TRIP12: variants seen among roughly 807,000 people sequenced by gnomAD.
The protein encoded by TRIP12 is thyroid hormone receptor interactor 12, also known as E3 ubiquitin-protein ligase TRIP12.
Under a neutral mutation model 244.2 loss-of-function variants are expected in TRIP12, and 25 were observed. That is an observed-to-expected ratio of 0.10 (90% CI 0.07 to 0.14). The LOEUF is 0.14. Among genes scored for constraint, TRIP12 ranks in the 10% least tolerant of loss-of-function variants. The probability of loss-of-function intolerance (pLI) is 1.00; values close to 1 mark genes in which losing one functional copy is unlikely to be tolerated. For missense variants in TRIP12, 1,677 were observed against 2,486.4 expected (o/e 0.67, Z 6.92); for synonymous variants, 905 against 873.1 (o/e 1.04, Z -0.64).
rs533557410 is a variant in TRIP12 at position 229,819,565 on chromosome 2, A to T, written c.1451-1053T>A. 2.0e-5 allele frequency among the ~76,000 whole-genome samples: 3 copies of T among 152,304 alleles called. No homozygotes were observed. In the South Asian group the frequency reaches 6.2e-4, roughly 32 times the overall value. On this transcript the variant is annotated intron_variant, in intron 8 of 41. Coordinates refer to ENST00000675903, the MANE Select transcript of TRIP12 (RefSeq NM_001348323.3). ...ATCTCAAAATTAATTAATTAATTTT[A>T]AAAAATAAAGTCTATGAATGTGTTT...
intron 1 of TRIP12, among the ~76,000 whole-genome samples, chr2:229,908,805 T>C (rs1460683134): frequency 6.6e-6 from 1 of 151,428 alleles, no homozygotes; most frequent in Non-Finnish European, 1.5e-5. Context: ...TTTGGGAGGC[T>C]ATGCGGCCAG....
rs796545176 is a variant in TRIP12 at position 229,784,513 on chromosome 2, G to GA, written c.5094+1243dup. 7.3e-3 allele frequency among the ~76,000 whole-genome samples: 421 copies of GA among 57,794 alleles called. 2 individuals are homozygous for GA. Among genetic ancestry groups the GA allele is most frequent in the African/African-American group, 0.013 (185 of 13,896 alleles). The allele number at this position is 57,794 out of a possible 152,430, so 37.9% of individuals were successfully genotyped here. A position where few individuals can be genotyped will look rare whatever the true frequency, so the allele number is the denominator to read the frequency against. On this transcript the variant is annotated intron_variant, in intron 34 of 41. Coordinates refer to ENST00000675903, the MANE Select transcript of TRIP12 (RefSeq NM_001348323.3). ...CTTAGGATGCAAAAAGCACAAACAA[G>GA]AAAAAAAAAAAAAAGATAAATGGAT... is the stretch of plus-strand genomic sequence containing the variant.
At position 229,889,025 on chromosome 2, in the gene TRIP12, G is replaced by A. The variant is rs368556719; in HGVS notation, c.-49-8897C>T. 1.1e-4 allele frequency among the ~76,000 whole-genome samples: 17 copies of A among 152,232 alleles called. No homozygotes were observed. In the East Asian group the frequency reaches 1.4e-3, roughly 12 times the overall value. ...TGTCGTTTTTAAAAAAATAAATTTTGAGCATATGTATTTAGGTAAAGAAAA... is the reference window on the plus strand; with the variant it reads ...TGTCGTTTTTAAAAAAATAAATTTTAAGCATATGTATTTAGGTAAAGAAAA... On this transcript the variant is annotated intron_variant, in intron 1 of 41. Transcript: ENST00000675903.
At chr2:229,902,653 G>T (rs191109625) in intron 1 of TRIP12, among the ~76,000 whole-genome samples, 138 of 152,166 alleles carry the variant, frequency 9.1e-4, no homozygotes, top group African/African-American at 3.2e-3. Context: ...TGAGATCTTT[G>T]GTTTTTTTGA....
At chr2:229,833,485 C>CA (rs1559726274) in intron 6 of TRIP12, among the ~76,000 whole-genome samples, 1 of 152,082 alleles carries the variant, frequency 6.6e-6, no homozygotes, top group Non-Finnish European at 1.5e-5. Context: ...GACAGGGTTT[C>CA]ACCATGTTGC....
At chr2:229,836,824 T>C in intron 6 of TRIP12, 24 bp downstream of exon 6, 1 of 1,577,248 alleles carries the variant, frequency 6.3e-7, no homozygotes, top group Non-Finnish European at 8.6e-7. Context: ...AAACGCATTT[T>C]AAAGCTAAGA....
At chr2:229,800,103 C>T (rs143437275) in intron 21 of TRIP12, among the ~76,000 whole-genome samples, 3 of 152,110 alleles carry the variant, frequency 2.0e-5, no homozygotes, top group African/African-American at 4.8e-5. Flanking sequence ...CCAAAATGGC[C>T]GTGAGTAAAA....
intron 13 of TRIP12, among the ~76,000 whole-genome samples, chr2:229,812,580 TG>T (rs1559574587): frequency 6.6e-6 from 1 of 151,970 alleles, no homozygotes; most frequent in African/African-American, 2.4e-5. Flanking sequence ...CTGAGACAGG[TG>T]GATCACTTGA....
intron 17 of TRIP12, chr2:229,806,126 C>T: frequency 3.1e-6 from 1 of 325,902 alleles, no homozygotes; most frequent in African/African-American, 2.1e-5. Flanking sequence ...GACATAAATG[C>T]AGGTAAAATC....
intron 33 of TRIP12, among the ~76,000 whole-genome samples, chr2:229,787,026 G>A (rs2154254847): frequency 6.6e-6 from 1 of 152,324 alleles, no homozygotes; most frequent in East Asian, 1.9e-4. Flanking sequence ...CACAGATTAA[G>A]TTAGCAATAC....
intron 2 of TRIP12, among the ~76,000 whole-genome samples, chr2:229,872,124 A>AAC (rs1185052638): frequency 7.6e-5 from 11 of 144,908 alleles, no homozygotes; most frequent in Non-Finnish European, 1.5e-4. Flanking sequence ...AAAAAAAAAA[A>AAC]AAAAAAAAGA....
intron 1 of TRIP12, among the ~76,000 whole-genome samples, chr2:229,907,101 T>C (rs1358820290): frequency 6.6e-6 from 1 of 152,234 alleles, no homozygotes; most frequent in East Asian, 1.9e-4. Context: ...AAACCTAAAT[T>C]ATAACATCTT....
intron 34 of TRIP12, 80 bp downstream of exon 34, chr2:229,785,677 C>T (rs541730409): frequency 3.8e-6 from 5 of 1,315,708 alleles, no homozygotes; most frequent in Non-Finnish European, 5.3e-6. Flanking sequence ...TTCAGAATTT[C>T]ATAGTACCAA....
chr2:229,799,476 G>T, intron 21 of TRIP12, 93 bp from the exon 22 acceptor site: 1 of 1,189,854 alleles, frequency 8.4e-7, no homozygotes, highest in Non-Finnish European at 1.2e-6. Context: ...CAGAAACAGG[G>T]AGTAATAAAA....
chr2:229,812,312 C>T (rs2047455427), intron 13 of TRIP12, among the ~76,000 whole-genome samples: 1 of 152,128 alleles, frequency 6.6e-6, no homozygotes. Flanking sequence ...AACTCTTGAC[C>T]TCAGGTGATC....
rs1201652780 is a variant in TRIP12 at position 229,811,065 on chromosome 2, A to C, written c.2056-20T>G. The C allele has an allele frequency of 5.0e-6, 8 of 1,613,684 alleles. No homozygotes were observed. Among genetic ancestry groups the C allele is most frequent in the Non-Finnish European group, 6.8e-6 (8 of 1,179,890 alleles). Reference sequence around the variant, plus strand: ...TAAATTCTTCACAAACACAAGAATAAAGGAATTATTACATCAAGATTCAGC... The same window carrying C: ...TAAATTCTTCACAAACACAAGAATACAGGAATTATTACATCAAGATTCAGC... On this transcript the variant is annotated intron_variant, in intron 14 of 41. Coordinates refer to ENST00000675903, the MANE Select transcript of TRIP12 (RefSeq NM_001348323.3).
intron 23 of TRIP12, 104 bp downstream of exon 23, chr2:229,798,771 C>CTG: frequency 8.2e-7 from 1 of 1,214,472 alleles, no homozygotes; most frequent in Non-Finnish European, 1.2e-6. Flanking sequence ...AATTAAAGTG[C>CTG]TGTGTCTATG....
At chr2:229,836,776 A>C (rs1575717418) in intron 6 of TRIP12, 72 bp downstream of exon 6, 532 of 1,317,474 alleles carry the variant, frequency 4.0e-4, no homozygotes, top group Non-Finnish European at 5.1e-4. Flanking sequence ...CACCTAGCAT[A>C]CTTCCCTCCC....
chr2:229,904,536 T>C (rs930838402), intron 1 of TRIP12, among the ~76,000 whole-genome samples: 2 of 151,826 alleles, frequency 1.3e-5, no homozygotes, highest in African/African-American at 4.8e-5. Context: ...AAGATGCTCA[T>C]CATATAATAG....
Sources: allele counts gnomAD v4.1 joint callset (sites outside exome capture counted in the v4.1 genomes callset), GRCh38; gene constraint gnomAD v4.1.1; transcripts MANE v1.5; gene names NCBI Gene and HGNC (gene_info 2026-07-23, HGNC 2026-07-21).